FRMD5: variants seen among roughly 807,000 people sequenced by gnomAD.
FRMD5 encodes the protein FERM domain-containing protein 5.
A neutral mutation model predicts 69.0 loss-of-function variants in FRMD5; 20 were observed. That is an observed-to-expected ratio of 0.29 (90% CI 0.20 to 0.42). FRMD5 has a LOEUF of 0.42. Ranked by LOEUF, FRMD5 falls within the 10% of genes least tolerant of loss-of-function variation. The probability of loss-of-function intolerance (pLI) is 1.00; values close to 1 mark genes in which losing one functional copy is unlikely to be tolerated. For missense variants in FRMD5, 595 were observed against 708.6 expected, an observed-to-expected ratio of 0.84 and a Z score of 1.82; for synonymous variants, 271 against 260.1, an observed-to-expected ratio of 1.04 and a Z score of -0.40.
intron 1 of FRMD5, among the ~76,000 whole-genome samples, chr15:43,960,575 G>C (rs2090182807): frequency 6.6e-6 from 1 of 151,224 alleles, no homozygotes; most frequent in African/African-American, 2.4e-5. Context: ...GTAGAGACAG[G>C]GTTTCTCCAT....
chr15:44,153,287 C>G (rs2077475366), intron 1 of FRMD5, among the ~76,000 whole-genome samples: 1 of 152,110 alleles, frequency 6.6e-6, no homozygotes, highest in South Asian at 2.1e-4. Context: ...CAGCATTATT[C>G]ACAATAGCTA....
chr15:43,978,633 C>A (rs539740971), intron 1 of FRMD5, among the ~76,000 whole-genome samples: 26 of 152,258 alleles, frequency 1.7e-4, no homozygotes, highest in Admixed American at 1.7e-3. Flanking sequence ...CTCACTGCAA[C>A]CTTCACCTCC....
chr15:43,954,836 T>A (rs938127590), intron 1 of FRMD5, among the ~76,000 whole-genome samples: 3 of 152,198 alleles, frequency 2.0e-5, no homozygotes, highest in African/African-American at 7.2e-5. Context: ...CTACAGTGCT[T>A]AGTACAGCAC....
At chr15:43,906,059 T>G (rs1229652449) in intron 5 of FRMD5, 108 bp from the exon 6 acceptor site, 1 of 1,363,866 alleles carries the variant, frequency 7.3e-7, no homozygotes, top group East Asian at 2.4e-5. Flanking sequence ...CACATCAGAT[T>G]TATAAGAAAC....
chr15:44,016,808 GATAATA>G (rs1241628172), intron 1 of FRMD5, among the ~76,000 whole-genome samples: 2 of 149,722 alleles, frequency 1.3e-5, no homozygotes, highest in South Asian at 2.1e-4. Context: ...GATAATAAGA[GATAATA>G]ATAATAACTG....
Position 43,873,274 on chromosome 15 carries a change from A to G in FRMD5, c.*611T>C. 6.5e-7 allele frequency: 1 copy of G among 1,539,864 alleles called. No homozygotes were observed. Among genetic ancestry groups the G allele is most frequent in the Non-Finnish European group, 8.7e-7 (1 of 1,144,238 alleles). On this transcript the variant is annotated 3_prime_UTR_variant, in exon 14 of 14. Transcript: ENST00000417257. ...AAAAGAAAATCCAACTCAGACCATCATAAGAAGCAACTTTCCATTTAATCA... is the reference window on the plus strand; with the variant it reads ...AAAAGAAAATCCAACTCAGACCATCGTAAGAAGCAACTTTCCATTTAATCA...
chr15:44,109,583 T>A (rs905409086), intron 1 of FRMD5, among the ~76,000 whole-genome samples: 2 of 151,586 alleles, frequency 1.3e-5, no homozygotes, highest in African/African-American at 4.9e-5. Context: ...CACCCCCAAC[T>A]ATTGACATCC....
intron 1 of FRMD5, among the ~76,000 whole-genome samples, chr15:44,053,051 AG>A (rs1892731987): frequency 6.6e-6 from 1 of 152,208 alleles, no homozygotes; most frequent in Non-Finnish European, 1.5e-5. Context: ...ATAATACTGC[AG>A]GGAGACTTGA....
chr15:43,889,271 C>G (rs575483365), intron 8 of FRMD5, among the ~76,000 whole-genome samples: 1 of 152,258 alleles, frequency 6.6e-6, no homozygotes, highest in East Asian at 1.9e-4. Flanking sequence ...GGCCAAAGTT[C>G]AAGATACAGC....
intron 1 of FRMD5, among the ~76,000 whole-genome samples, chr15:44,132,321 C>T (rs2077113175): frequency 6.6e-6 from 1 of 152,162 alleles, no homozygotes. Context: ...CAGTCCATGG[C>T]CCGTGGGTTG....
At chr15:44,133,235 CAAAAA>C (rs1372252724) in intron 1 of FRMD5, among the ~76,000 whole-genome samples, 5 of 148,694 alleles carry the variant, frequency 3.4e-5, no homozygotes, top group Admixed American at 1.3e-4. Context: ...CAAAACAAAA[CAAAAA>C]AATGATTAAA....
intron 1 of FRMD5, among the ~76,000 whole-genome samples, chr15:44,086,200 A>G (rs1457283781): frequency 6.6e-6 from 1 of 152,212 alleles, no homozygotes. Flanking sequence ...TGACATAGCA[A>G]TTCCACTTCT....
At chr15:44,000,729 G>A (rs1357129861) in intron 1 of FRMD5, among the ~76,000 whole-genome samples, 1 of 152,028 alleles carries the variant, frequency 6.6e-6, no homozygotes, top group African/African-American at 2.4e-5. Context: ...CAAAGTGCTG[G>A]GATTACAGGT....
chr15:43,875,934 CT>C, intron 13 of FRMD5: 1 of 1,204,874 alleles, frequency 8.3e-7, no homozygotes, highest in Non-Finnish European at 1.2e-6. Flanking sequence ...ATCCATCACA[CT>C]TATAGGCAAG....
intron 1 of FRMD5, among the ~76,000 whole-genome samples, chr15:43,964,724 C>A (rs948613607): frequency 6.6e-6 from 1 of 152,110 alleles, no homozygotes; most frequent in Admixed American, 6.5e-5. Context: ...TTTCTTGTGA[C>A]CTTGCATTCT....
chr15:43,932,654 T>C (rs1436579911), intron 1 of FRMD5, among the ~76,000 whole-genome samples: 3 of 152,222 alleles, frequency 2.0e-5, no homozygotes, highest in Non-Finnish European at 4.4e-5. Flanking sequence ...TTTCAAGAAA[T>C]TAACTCAGCG....
chr15:44,167,324 C>G (rs929506006), intron 1 of FRMD5, among the ~76,000 whole-genome samples: 1 of 151,220 alleles, frequency 6.6e-6, no homozygotes. Context: ...GCCAAGATCG[C>G]ATCACTGCAC....
chr15:43,873,084 G>T lies in FRMD5; in HGVS notation c.*801C>A. On this transcript the variant is annotated 3_prime_UTR_variant, in exon 14 of 14. Transcript: ENST00000417257. ...CACTATAAAAGTCTTGAGGTTCTTCGGAAAAAAAAAATCACGTTAAGTCTA... is the reference window on the plus strand; with the variant it reads ...CACTATAAAAGTCTTGAGGTTCTTCTGAAAAAAAAAATCACGTTAAGTCTA... 7.9e-7 allele frequency: 1 copy of T among 1,270,992 alleles called. No individual in the cohort carries two copies. The highest frequency in any genetic ancestry group is 1.1e-6 in the Non-Finnish European group (1 of 906,686). The allele number at this position is 1,270,992 out of a possible 1,614,324, so 78.7% of individuals were successfully genotyped here. A position where few individuals can be genotyped will look rare whatever the true frequency, so the allele number is the denominator to read the frequency against.
intron 1 of FRMD5, among the ~76,000 whole-genome samples, chr15:43,991,102 G>A (rs1454349019): frequency 6.6e-6 from 1 of 152,210 alleles, no homozygotes; most frequent in Non-Finnish European, 1.5e-5. Flanking sequence ...AAACAGGCAA[G>A]GGAAGATGGA....
Sources: gnomAD v4.1 joint callset for allele counts (sites outside exome capture counted in the v4.1 genomes callset) on GRCh38, gnomAD v4.1.1 for gene constraint, MANE v1.5 for transcripts, NCBI Gene and HGNC (gene_info 2026-07-23, HGNC 2026-07-21) for gene names.